TUB: variants seen among roughly 807,000 people sequenced by gnomAD.
The protein encoded by TUB is TUB bipartite transcription factor.
A neutral mutation model predicts 59.7 loss-of-function variants in TUB; 33 were observed. The observed-to-expected ratio is 0.55, with a 90% CI of 0.42 to 0.74. TUB has a LOEUF of 0.74. TUB is among the 30% of genes least tolerant of loss of function. The probability of loss-of-function intolerance (pLI) is 0.00; values close to 1 mark genes in which losing one functional copy is unlikely to be tolerated. For synonymous variants in TUB, 293 were observed against 256.4 expected (o/e 1.14, Z -1.36); for missense variants, 659 against 672.0 (o/e 0.98, Z 0.21).
chr11:8,024,500 C>G (rs143222543), intron 1 of TUB, among the ~76,000 whole-genome samples: 1,704 of 152,198 alleles, frequency 0.011, 48 homozygotes, highest in Admixed American at 0.056. Flanking sequence ...GTAAATGGCC[C>G]TGCCTCCTGC....
chr11:8,100,758 A>G (rs1251521873), intron 10 of TUB, 68 bp from the exon 11 acceptor site: 3 of 1,592,510 alleles, frequency 1.9e-6, no homozygotes, highest in African/African-American at 2.7e-5. Context: ...TTCCCGGGAT[A>G]GATCCCTTTC....
intron 10 of TUB, 82 bp downstream of exon 10, chr11:8,100,683 G>A (rs1944243829): frequency 2.1e-5 from 32 of 1,501,700 alleles, no homozygotes; most frequent in Middle Eastern, 1.7e-4. Context: ...TCCAGCTGAT[G>A]TGTGTATGTG....
chr11:8,022,463 C>A (rs1408673381), intron 1 of TUB, among the ~76,000 whole-genome samples: 2 of 152,222 alleles, frequency 1.3e-5, no homozygotes, highest in Admixed American at 6.5e-5. Context: ...ACCTTTCCTT[C>A]AAGTCCTCAC....
chr11:8,099,178 GCATTTC>G (rs1287525975), intron 9 of TUB, among the ~76,000 whole-genome samples: 3 of 152,096 alleles, frequency 2.0e-5, no homozygotes, highest in Non-Finnish European at 4.4e-5. Flanking sequence ...TCTTGTCTGT[GCATTTC>G]CCAGATCATC....
upstream of TUB, among the ~76,000 whole-genome samples, chr11:8,081,165 C>T (rs979928057): frequency 2.1e-3 from 27 of 12,872 alleles, no homozygotes; most frequent in Non-Finnish European, 4.4e-3. Flanking sequence ...CGGGGCGGGG[C>T]GGGGCGGGGC....
intron 2 of TUB, among the ~76,000 whole-genome samples, chr11:8,051,596 C>G (rs1942936049): frequency 6.6e-6 from 1 of 152,192 alleles, no homozygotes; most frequent in Admixed American, 6.5e-5. Context: ...TATCAATCCA[C>G]TCTCTCCGCA....
upstream of TUB, among the ~76,000 whole-genome samples, chr11:8,078,866 TACAC>T (rs1283142744): frequency 6.6e-6 from 1 of 151,806 alleles, no homozygotes; most frequent in African/African-American, 2.4e-5. Flanking sequence ...TGTACACACA[TACAC>T]ACTCATATTC....
chr11:8,100,698 G>GA (rs985955157), intron 10 of TUB, 97 bp downstream of exon 10: 3 of 1,516,738 alleles, frequency 2.0e-6, no homozygotes, highest in Non-Finnish European at 2.7e-6. Context: ...TATGTGGAGG[G>GA]GTACCATGTG....
At chr11:8,069,055 A>G (rs1943305775) in intron 2 of TUB, 1 of 152,210 alleles carries the variant, frequency 6.6e-6, no homozygotes, top group Non-Finnish European at 1.5e-5. Flanking sequence ...GCTGCAGGTC[A>G]TCTGTGTTAA....
intron 1 of TUB, among the ~76,000 whole-genome samples, chr11:8,020,996 A>G (rs1250720923): frequency 2.6e-5 from 4 of 152,212 alleles, no homozygotes; most frequent in African/African-American, 9.6e-5. Context: ...AAAAACTTAA[A>G]GTTGAGCTAA....
chr11:8,099,753 T>C (rs16935797), intron 9 of TUB, among the ~76,000 whole-genome samples: 22,563 of 152,172 alleles, frequency 0.15, 1,808 homozygotes, highest in African/African-American at 0.18. Flanking sequence ...AATTTCAGAA[T>C]GGCAGGGAGG....
intron 9 of TUB, 133 bp downstream of exon 9, chr11:8,099,008 G>T: frequency 1.4e-6 from 1 of 718,868 alleles, no homozygotes; most frequent in Non-Finnish European, 2.5e-6. Context: ...GTCCTCTGTG[G>T]AGTGTTCCTG....
intron 1 of TUB, chr11:8,039,465 A>T: frequency 2.0e-6 from 1 of 487,970 alleles, no homozygotes; most frequent in Non-Finnish European, 3.4e-6. Context: ...CGGGGCCCAC[A>T]GAGTGAGCAC....
At chr11:8,080,763 G>A (rs548981703), upstream of TUB, among the ~76,000 whole-genome samples, 20 of 152,334 alleles carry the variant, frequency 1.3e-4, no homozygotes, top group African/African-American at 4.8e-4. Context: ...GGTTCCCCAG[G>A]CGGGGGTGTG....
Position 8,066,161 on chromosome 11 carries a change from G to T in TUB, c.204-23449G>T, listed in dbSNP as rs73396768. Among the ~76,000 whole-genome samples the T allele has an allele frequency of 2.9e-3, 442 of 152,264 alleles. 2 individuals are homozygous for T. Among genetic ancestry groups the T allele is most frequent in the African/African-American group, 0.01 (423 of 41,562 alleles). On this transcript the variant is annotated intron_variant, in intron 2 of 12. Coordinates refer to the TUB transcript ENST00000305253. ...CCAAGGGTACTGCCAGGGGAAGAAT[G>T]GGCACTCTGCAGTTCTCTCCTCTAG...
At chr11:8,047,054 A>G (rs73396713) in intron 2 of TUB, among the ~76,000 whole-genome samples, 2,440 of 152,354 alleles carry the variant, frequency 0.016, 83 homozygotes, top group African/African-American at 0.055. Context: ...GCTTTAGCAC[A>G]GAGCACTGCA....
At chr11:8,099,473 T>C (rs993490634) in intron 9 of TUB, among the ~76,000 whole-genome samples, 1 of 152,184 alleles carries the variant, frequency 6.6e-6, no homozygotes, top group Admixed American at 6.5e-5. Context: ...CACAGCTACT[T>C]TGTATGATCC....
chr11:8,019,677 C>T (rs988351554), intron 1 of TUB, among the ~76,000 whole-genome samples: 1 of 152,006 alleles, frequency 6.6e-6, no homozygotes, highest in Non-Finnish European at 1.5e-5. Context: ...CGAGAAAGGG[C>T]GCGGAGGGGG....
intron 1 of TUB, among the ~76,000 whole-genome samples, chr11:8,033,283 T>G (rs1942601797): frequency 6.6e-6 from 1 of 152,134 alleles, no homozygotes; most frequent in African/African-American, 2.4e-5. Flanking sequence ...GGGCCTGGAC[T>G]CCGGGAGACT....
Sources: gnomAD v4.1 joint callset for allele counts (sites outside exome capture counted in the v4.1 genomes callset) on GRCh38, gnomAD v4.1.1 for gene constraint, MANE v1.5 for transcripts, NCBI Gene and HGNC (gene_info 2026-07-23, HGNC 2026-07-21) for gene names.